Variants in DIS3 observed in about 807,000 individuals in gnomAD.
DIS3 encodes the protein DIS3 exosome endoribonuclease and 3'-5' exoribonuclease.
Under a neutral mutation model 113.0 loss-of-function variants are expected in DIS3, and 103 were observed. The observed-to-expected ratio is 0.91, with a 90% CI of 0.78 to 1.07. DIS3 has a LOEUF of 1.07. Ranked by LOEUF, DIS3 falls within the 50% of genes least tolerant of loss-of-function variation. The probability of loss-of-function intolerance (pLI) is 0.00; values close to 1 mark genes in which losing one functional copy is unlikely to be tolerated. For synonymous variants in DIS3, 402 were observed against 394.3 expected (o/e 1.02, Z -0.23); for missense variants, 1,121 against 1,167.1 (o/e 0.96, Z 0.58).
chr13:72,779,486 T>C (rs1290646485), intron 2 of DIS3, among the ~76,000 whole-genome samples: 1 of 150,922 alleles, frequency 6.6e-6, no homozygotes, highest in Non-Finnish European at 1.5e-5. Context: ...AACTTGGGTC[T>C]TTCTGCACTG....
rs2033917002 is a variant in DIS3 at position 72,772,742 on chromosome 13, T to A, written c.1337A>T (p.Gln446Leu). Residue 446 changes from glutamine (Q) to leucine (L), a missense_variant, in exon 9 of 21, where the codon CAG (glutamine) becomes CTG (leucine). By Grantham distance (113) the Gln-to-Leu change is moderately radical. This residue lies in a region of DIS3 where 861 missense variants were observed against 915.5 expected (regional missense o/e 0.94). Transcript: ENST00000377767. ...EHDVPHQPFS[Q>L]AVLSFLPKMP... The stretch of plus-strand genomic sequence containing the variant: ...CTTTGGCAGAAAACTAAGAACAGCC[T>A]GTGAAAAAGGCTGATGGGGAACATC... 6.2e-7 allele frequency: 1 copy of A among 1,613,406 alleles called. No homozygotes were observed. Among genetic ancestry groups the A allele is most frequent in the South Asian group, 1.1e-5 (1 of 90,896 alleles).
chr13:72,764,151 C>A lies in DIS3; in HGVS notation c.1971-544G>T, dbSNP rs544445382. ...TGGGTGACAGAGCAAGACTCTGTGT[C>A]AAAAAACAACAACAAAATTGCACTC... On this transcript the variant is annotated intron_variant, in intron 15 of 20. Coordinates refer to ENST00000377767, the MANE Select transcript of DIS3 (RefSeq NM_014953.5). Among the ~76,000 whole-genome samples, 108 of 151,966 alleles carry A rather than the reference C, an allele frequency of 7.1e-4. 1 individual carries two copies. The highest frequency in any genetic ancestry group is 2.6e-3 in the African/African-American group (108 of 41,432).
rs779680951 is a variant in DIS3 at position 72,775,207 on chromosome 13, A to C, written c.987+4T>G. 1 of 1,610,046 alleles carries C rather than the reference A, an allele frequency of 6.2e-7. No individual in the cohort carries two copies. Among genetic ancestry groups the C allele is most frequent in the African/African-American group, 1.3e-5 (1 of 74,810 alleles). On this transcript the variant is annotated splice_donor_region_variant and intron_variant, in intron 6 of 20. Coordinates refer to ENST00000377767, the MANE Select transcript of DIS3 (RefSeq NM_014953.5). The stretch of plus-strand genomic sequence containing the variant: ...ACAAAAAAAAATCCTGCTTAGATTC[A>C]TACCATTCGTTCTGTCTCTTCTTCT...
intron 8 of DIS3, among the ~76,000 whole-genome samples, chr13:72,773,345 C>T (rs1034436302): frequency 3.3e-5 from 5 of 152,166 alleles, no homozygotes; most frequent in African/African-American, 9.6e-5. Context: ...GCCTGTAGTC[C>T]CAGCTAATCG....
At chr13:72,778,409 G>T in intron 2 of DIS3, 29 bp from the exon 3 acceptor site, 3 of 1,517,732 alleles carry the variant, frequency 2.0e-6, no homozygotes, top group Non-Finnish European at 1.8e-6. Context: ...CGAAATAAAA[G>T]GAAATCAGTA....
In DIS3 at chr13:72,773,754, G is replaced by A; in HGVS notation, c.1169C>T (p.Ala390Val). The A allele has an allele frequency of 6.2e-7, 1 of 1,614,004 alleles. No homozygotes were observed. Among genetic ancestry groups the A allele is most frequent in the Non-Finnish European group, 8.5e-7 (1 of 1,179,952 alleles). Residue 390 changes from alanine to valine, a missense_variant, in exon 8 of 21, where the codon GCT (alanine) becomes GTT (valine). Ala to Val is a moderately conservative substitution (Grantham distance 64). This residue lies in a region of DIS3 where 861 missense variants were observed against 915.5 expected (regional missense o/e 0.94). Transcript: ENST00000377767. ...IPRIRIETRQ[A>V]STLEGRRIIV... ...AATTCTCCGTCCTTCTAATGTGGAAGCCTGTCTGGTTTCTATGCGAATTCG... is the reference window on the plus strand; with the variant it reads ...AATTCTCCGTCCTTCTAATGTGGAAACCTGTCTGGTTTCTATGCGAATTCG...
At chr13:72,767,429 C>T (rs1357631681) in intron 14 of DIS3, among the ~76,000 whole-genome samples, 2 of 151,638 alleles carry the variant, frequency 1.3e-5, no homozygotes, top group African/African-American at 4.8e-5. Context: ...TTATCTTCTT[C>T]TTATATACAA....
At chr13:72,765,587 G>C (rs1566241734) in intron 15 of DIS3, among the ~76,000 whole-genome samples, 1 of 152,134 alleles carries the variant, frequency 6.6e-6, no homozygotes, top group Admixed American at 6.5e-5. Flanking sequence ...TGCTGCCACC[G>C]ATCTGACAGA....
chr13:72,771,223 A>T, intron 11 of DIS3, 78 bp from the exon 12 acceptor site: 3 of 1,148,374 alleles, frequency 2.6e-6, no homozygotes, highest in Non-Finnish European at 3.8e-6. Flanking sequence ...CTCAAATAAC[A>T]TTAATTAAAC....
rs751608531 is a variant in DIS3 at position 72,755,115 on chromosome 13, T to C, written c.*4680A>G. On this transcript the variant is annotated 3_prime_UTR_variant, in exon 21 of 21. Coordinates refer to ENST00000377767, the MANE Select transcript of DIS3 (RefSeq NM_014953.5). ...AATTGCATCCTCCAGTGGTCCTACTTAAACTGAAAACAAGGTATTGTCTTC... is the reference window on the plus strand; with the variant it reads ...AATTGCATCCTCCAGTGGTCCTACTCAAACTGAAAACAAGGTATTGTCTTC... 4.4e-6 allele frequency: 7 copies of C among 1,593,902 alleles called. No individual in the cohort carries two copies. In the Admixed American group the frequency reaches 1.2e-4, roughly 27 times the overall value.
Position 72,763,524 on chromosome 13 carries a change from T to C in DIS3, c.2054A>G (p.His685Arg), listed in dbSNP as rs377151943. 4.8e-5 allele frequency: 78 copies of C among 1,613,864 alleles called. No homozygotes were observed. The Middle Eastern group carries it at 4.9e-4, about 10-fold the overall frequency. ...AGCAGGATGTTTTCGAAGCAGAGCA[T>C]GTTCAGAAAATTCCTCATGAATTTT... ...AKKIHEEFSE[H>R]ALLRKHPAPP... The change falls in exon 16 of 21, where the codon CAT (histidine) becomes CGT (arginine). Residue 685 changes from histidine (H) to arginine (R), a missense_variant. His to Arg is a conservative substitution (Grantham distance 29, BLOSUM62 0). This residue lies in a region of DIS3 where 861 missense variants were observed against 915.5 expected (regional missense o/e 0.94). Coordinates refer to ENST00000377767, the MANE Select transcript of DIS3 (RefSeq NM_014953.5).
Position 72,773,943 on chromosome 13 carries a change from C to A in DIS3, c.1101+3G>T, listed in dbSNP as rs771221368. On this transcript the variant is annotated splice_donor_region_variant and intron_variant, in intron 7 of 20. Transcript: ENST00000377767. ...TATTACATAGTAAATGCTCTTTACT[C>A]ACCTCCTTAATGTCAGACTTGGAAA... 2.5e-6 allele frequency: 4 copies of A among 1,599,928 alleles called. No individual in the cohort carries two copies. The highest frequency in any genetic ancestry group is 2.2e-5 in the East Asian group (1 of 44,762).
At chr13:72,771,947 T>C (rs1290432229) in intron 10 of DIS3, 51 bp from the exon 11 acceptor site, 3 of 1,555,082 alleles carry the variant, frequency 1.9e-6, no homozygotes, top group Non-Finnish European at 2.6e-6. Context: ...TGGGTAAATG[T>C]ACCTAATGGA....
rs377338558 is a variant in DIS3 at position 72,773,856 on chromosome 13, A to T, written c.1102-35T>A. On this transcript the variant is annotated intron_variant, in intron 7 of 20. Coordinates refer to ENST00000377767, the MANE Select transcript of DIS3 (RefSeq NM_014953.5). The stretch of plus-strand genomic sequence containing the variant: ...ATTAGGAATAAAGATTTTACACAAA[A>T]AAAATCTGAGGATGGAGGCAAAAGA... The T allele has an allele frequency of 5.5e-5, 88 of 1,597,230 alleles. No individual in the cohort carries two copies. The African/African-American group carries it at 1.1e-3, about 19-fold the overall frequency.
At chr13:72,779,961 C>T (rs765496) in intron 2 of DIS3, among the ~76,000 whole-genome samples, 53 of 152,136 alleles carry the variant, frequency 3.5e-4, no homozygotes, top group East Asian at 3.3e-3. Flanking sequence ...TGTAATATAA[C>T]GTAATAGGCA....
chr13:72,777,463 T>A lies in DIS3; in HGVS notation c.611A>T (p.Asn204Ile), dbSNP rs1212206805. Residue 204 changes from asparagine (N) to isoleucine (I), a missense_variant, in exon 4 of 21, where the codon AAC becomes ATC. By Grantham distance (149) the Asn-to-Ile change is moderately radical (BLOSUM62 -3). Around this residue, in one of 3 missense-constraint regions of DIS3, gnomAD observed 861 missense variants for 915.5 expected, o/e 0.94. Coordinates refer to ENST00000377767, the MANE Select transcript of DIS3 (RefSeq NM_014953.5). Reference protein sequence around the residue: ...CEEYVKSLTANPELIDRLACL... With the variant: ...CEEYVKSLTAIPELIDRLACL... Reference sequence around the variant, plus strand: ...AGCAAGACGATCTATGAGTTCGGGGTTAGCAGTTAGGCTCTTTACATATTC... The same window carrying A: ...AGCAAGACGATCTATGAGTTCGGGGATAGCAGTTAGGCTCTTTACATATTC... The A allele has an allele frequency of 6.2e-7, 1 of 1,614,134 alleles. No homozygotes were observed.
At chr13:72,773,357 G>A (rs954334549) in intron 8 of DIS3, among the ~76,000 whole-genome samples, 2 of 152,116 alleles carry the variant, frequency 1.3e-5, no homozygotes, top group African/African-American at 2.4e-5. Context: ...AGCTAATCGG[G>A]AGGCTGAGAC....
At chr13:72,781,212 C>T in intron 1 of DIS3, 1 of 1,519,464 alleles carries the variant, frequency 6.6e-7, no homozygotes, top group East Asian at 2.5e-5. Flanking sequence ...ACAGACCAAT[C>T]ACAAGACTTC....
chr13:72,781,018 A>T lies in DIS3; in HGVS notation c.229-15T>A. ...AGAACATCAATCTTAAAGAAAGATA[A>T]AGTTAATTTTTCCTATATTCATTTG... On this transcript the variant is annotated splice_polypyrimidine_tract_variant and intron_variant, in intron 1 of 20. Coordinates refer to ENST00000377767, the MANE Select transcript of DIS3 (RefSeq NM_014953.5). The T allele has an allele frequency of 6.3e-7, 1 of 1,587,092 alleles. No homozygotes were observed. Among genetic ancestry groups the T allele is most frequent in the Non-Finnish European group, 8.5e-7 (1 of 1,170,474 alleles).
Sources: gnomAD v4.1 joint callset for allele counts (sites outside exome capture counted in the v4.1 genomes callset) on GRCh38, gnomAD v4.1.1 for gene constraint, gnomAD v4.1.1 regional missense constraint, MANE v1.5 for transcripts, NCBI Gene and HGNC (gene_info 2026-07-23, HGNC 2026-07-21) for gene names.